ROBO4: variants seen among roughly 807,000 people sequenced by gnomAD.
ROBO4 encodes roundabout guidance receptor 4.
Under a neutral mutation model 103.3 loss-of-function variants are expected in ROBO4, and 80 were observed. That is an observed-to-expected ratio of 0.77 (90% confidence interval 0.65 to 0.93). ROBO4 has a LOEUF of 0.93. Among genes scored for constraint, ROBO4 ranks in the 40% least tolerant of loss-of-function variants. The pLI, the probability that ROBO4 is intolerant of heterozygous loss-of-function variation, is 0.00. For missense variants in ROBO4, 1,333 were observed against 1,305.3 expected, an observed-to-expected ratio of 1.02 and a Z score of -0.33; for synonymous variants, 504 against 529.7, an observed-to-expected ratio of 0.95 and a Z score of 0.67.
intron 12 of ROBO4, among the ~76,000 whole-genome samples, chr11:124,890,262 A>G (rs2135370720): frequency 6.6e-6 from 1 of 152,382 alleles, no homozygotes; most frequent in East Asian, 1.9e-4. Flanking sequence ...AATTCTGGAT[A>G]TTGAACAAGC....
Position 124,887,848 on chromosome 11 carries a change from G to A in ROBO4, c.1949-8C>T. ...TGTTGGCATGCTGCAGCTCTGCAAA[G>A]AAAGGGTTGGTGGTTGTGGGGCCCA... is the stretch of plus-strand genomic sequence containing the variant. On this transcript the variant is annotated splice_region_variant and splice_polypyrimidine_tract_variant and intron_variant, in intron 12 of 17. Coordinates refer to ENST00000306534, the MANE Select transcript of ROBO4 (RefSeq NM_019055.6). The A allele has an allele frequency of 1.2e-6, 2 of 1,610,506 alleles. No individual in the cohort carries two copies. The highest frequency in any genetic ancestry group is 1.7e-6 in the Non-Finnish European group (2 of 1,178,662).
chr11:124,890,959 G>T (rs1245006737), intron 12 of ROBO4, among the ~76,000 whole-genome samples: 2 of 152,244 alleles, frequency 1.3e-5, no homozygotes, highest in Non-Finnish European at 2.9e-5. Context: ...GCCCTTAGAA[G>T]TCAGGGGCTG....
chr11:124,896,176 T>C, intron 4 of ROBO4, 22 bp downstream of exon 4: 1 of 1,612,218 alleles, frequency 6.2e-7, no homozygotes, highest in Non-Finnish European at 8.5e-7. Context: ...TGGCTCTGAT[T>C]GTAGCCCACC....
chr11:124,887,018 T>C lies in ROBO4; in HGVS notation c.2394A>G (p.Val798=). 1 of 1,613,822 alleles carries C rather than the reference T, an allele frequency of 6.2e-7. No individual in the cohort carries two copies. The highest frequency in any genetic ancestry group is 8.5e-7 in the Non-Finnish European group (1 of 1,179,806). The part of the protein sequence containing the change: ...DQDSVLTPEE[V]ALCLELSEGE... ...CCTCACTGAGTTCCAAGCACAGGGC[T>C]ACCTCCTCAGGGGTCAGCACGCTGT... The change falls in exon 15 of 18, where the codon GTA becomes GTG. Residue 798 remains valine, a synonymous_variant. Transcript: ENST00000306534.
At position 124,887,225 on chromosome 11, in the gene ROBO4, G is replaced by A; in HGVS notation, c.2199-12C>T. The A allele has an allele frequency of 6.3e-7, 1 of 1,586,498 alleles. No homozygotes were observed. The highest frequency in any genetic ancestry group is 8.6e-7 in the Non-Finnish European group (1 of 1,165,334). ...GTGCCACCGGAGGCCTGATTTGCGG[G>A]AGAGAGTGATGGCACCGTAGTTACT... is the stretch of plus-strand genomic sequence containing the variant. On this transcript the variant is annotated splice_polypyrimidine_tract_variant and intron_variant, in intron 14 of 17. Transcript: ENST00000306534.
At chr11:124,887,642 T>C in intron 13 of ROBO4, 91 bp downstream of exon 13, 1 of 1,535,652 alleles carries the variant, frequency 6.5e-7, no homozygotes, top group East Asian at 2.3e-5. Flanking sequence ...GAAAGGAGGA[T>C]GAGCCCGTGG....
chr11:124,897,322 C>T (rs777985266), intron 1 of ROBO4, 61 bp from the exon 2 acceptor site: 5 of 1,199,446 alleles, frequency 4.2e-6, no homozygotes, highest in Non-Finnish European at 5.6e-6. Context: ...ATTCCTGGCC[C>T]ACCCCTCATC....
rs1411348144 is a variant in ROBO4 at position 124,895,925 on chromosome 11, T to A, written c.680-13A>T. 3.1e-6 allele frequency: 5 copies of A among 1,612,816 alleles called. No individual in the cohort carries two copies. The highest frequency in any genetic ancestry group is 4.2e-6 in the Non-Finnish European group (5 of 1,179,904). ...TAGTCCTGGGGCTCTGTGGGGAGGA[T>A]AGGGCTGGGCTGGGGCTTATAGGCC... On this transcript the variant is annotated splice_polypyrimidine_tract_variant and intron_variant, in intron 4 of 17. Coordinates refer to ENST00000306534, the MANE Select transcript of ROBO4 (RefSeq NM_019055.6).
intron 13 of ROBO4, 81 bp from the exon 14 acceptor site, chr11:124,887,580 C>G: frequency 6.3e-7 from 1 of 1,583,974 alleles, no homozygotes; most frequent in Non-Finnish European, 8.6e-7. Context: ...GCCCACCAGC[C>G]CCCTTAGCTA....
rs1465967471 is a variant in ROBO4 at position 124,887,782 on chromosome 11, C to T, written c.2007G>A (p.Arg669=). The change falls in exon 13 of 18, where the codon CGG becomes CGA. Residue 669 remains arginine (R), a synonymous_variant. Coordinates refer to ENST00000306534, the MANE Select transcript of ROBO4 (RefSeq NM_019055.6). ...LLRGSHSLEL[R]ACELGNRGSK... ...AACCTCTATTTCCTAACTCACAGGC[C>T]CGGAGCTCCAAGGAGTGGCTGCCCC... The T allele has an allele frequency of 1.5e-5, 24 of 1,614,028 alleles. 1 individual carries two copies. Among genetic ancestry groups the T allele is most frequent in the Non-Finnish European group, 1.9e-5 (23 of 1,179,960 alleles).
chr11:124,897,493 CTT>C (rs1491505787), intron 1 of ROBO4: 24 of 555,110 alleles, frequency 4.3e-5, no homozygotes, highest in African/African-American at 4.0e-4. Flanking sequence ...CTCTCTCTCT[CTT>C]ACTTTCTCTC....
chr11:124,887,403 G>C lies in ROBO4; in HGVS notation c.2153C>G (p.Pro718Arg). The C allele has an allele frequency of 6.2e-7, 1 of 1,614,080 alleles. No individual in the cohort carries two copies. Among genetic ancestry groups the C allele is most frequent in the South Asian group, 1.1e-5 (1 of 91,076 alleles). The change falls in exon 14 of 18, where the codon CCC becomes CGC. Residue 718 changes from proline to arginine, a missense_variant. By Grantham distance (103) the Pro-to-Arg change is moderately radical (BLOSUM62 -2). Coordinates refer to ENST00000306534, the MANE Select transcript of ROBO4 (RefSeq NM_019055.6). ...ELVTRHLPPA[P>R]LFPHETPPTQ... is the part of the protein sequence containing the mutation. Reference sequence around the variant, plus strand: ...TGGGGGAGTTTCATGAGGAAAGAGGGGTGCTGGAGGGAGATGACGAGTAAC... The same window carrying C: ...TGGGGGAGTTTCATGAGGAAAGAGGCGTGCTGGAGGGAGATGACGAGTAAC...
Position 124,895,650 on chromosome 11 carries a change from C to T in ROBO4, c.843G>A (p.Thr281=), listed in dbSNP as rs138055137. Residue 281 remains threonine (T), a synonymous_variant, in exon 6 of 18, where the codon ACG becomes ACA. Transcript: ENST00000306534. ...SGPAAPAQSY[T]ALFRTQTAPG... ...GGGCAGTCTGGGTCCTGAACAAGGCCGTGTAAGATTGGGCAGGCGCAGCAG... is the reference window on the plus strand; with the variant it reads ...GGGCAGTCTGGGTCCTGAACAAGGCTGTGTAAGATTGGGCAGGCGCAGCAG... 2.0e-4 allele frequency: 318 copies of T among 1,613,648 alleles called. 1 individual carries two copies. In the African/African-American group the frequency reaches 2.9e-3, roughly 15 times the overall value.
intron 7 of ROBO4, among the ~76,000 whole-genome samples, chr11:124,894,795 T>G (rs913331608): frequency 6.6e-6 from 1 of 152,224 alleles, no homozygotes; most frequent in Non-Finnish European, 1.5e-5. Flanking sequence ...ACTCACAGCC[T>G]GGTTTGATCT....
chr11:124,894,521 TACCA>T, intron 7 of ROBO4, 152 bp from the exon 8 acceptor site: 1 of 684,190 alleles, frequency 1.5e-6, no homozygotes, highest in Non-Finnish European at 2.4e-6. Context: ...CTATTCTCCC[TACCA>T]AGTGAGAGAT....
In ROBO4 at chr11:124,884,886, A is replaced by C; in HGVS notation, c.*5T>G. 1 of 1,614,206 alleles carries C rather than the reference A, an allele frequency of 6.2e-7. No individual in the cohort carries two copies. Among genetic ancestry groups the C allele is most frequent in the Non-Finnish European group, 8.5e-7 (1 of 1,180,024 alleles). ...TTCCCGTCTGGGAAGTCTCAGGGAC[A>C]CGGTTCAGGAGTAATCTACAGGAGA... is the stretch of plus-strand genomic sequence containing the variant. On this transcript the variant is annotated 3_prime_UTR_variant, in exon 18 of 18. Transcript: ENST00000306534.
chr11:124,894,444 C>T, intron 7 of ROBO4, 75 bp from the exon 8 acceptor site: 1 of 1,451,578 alleles, frequency 6.9e-7, no homozygotes. Context: ...GCAGATCAGA[C>T]TCCAGGGGTG....
Position 124,884,808 on chromosome 11 carries a change from G to T in ROBO4, c.*83C>A. ...CCAGCTGCAGAGAAACACAGGCCAA[G>T]ACCCACACACCACAGCCCAGGTCTT... On this transcript the variant is annotated 3_prime_UTR_variant, in exon 18 of 18. Transcript: ENST00000306534. 1 of 1,483,564 alleles carries T rather than the reference G, an allele frequency of 6.7e-7. No homozygotes were observed. Among genetic ancestry groups the T allele is most frequent in the Non-Finnish European group, 9.4e-7 (1 of 1,060,970 alleles). 91.9% of individuals were successfully genotyped at this position (1,483,564 alleles called of 1,614,324 possible). A position where few individuals can be genotyped will look rare whatever the true frequency, so the allele number is the denominator to read the frequency against.
At chr11:124,890,808 C>T (rs1212726267) in intron 12 of ROBO4, among the ~76,000 whole-genome samples, 8 of 152,322 alleles carry the variant, frequency 5.3e-5, no homozygotes, top group East Asian at 1.9e-4. Flanking sequence ...AGTTGGGAGT[C>T]GGTGCCCAAG....
Sources: gnomAD v4.1 joint callset for allele counts (sites outside exome capture counted in the v4.1 genomes callset) on GRCh38, gnomAD v4.1.1 for gene constraint, MANE v1.5 for transcripts, NCBI Gene and HGNC (gene_info 2026-07-23, HGNC 2026-07-21) for gene names.